The following LARS2 variants were observed in gnomAD, a reference collection of about 807,000 sequenced individuals.
LARS2 encodes leucine--tRNA ligase, mitochondrial.
In LARS2, 81 loss-of-function variants were observed where a neutral mutation model predicts 116.6. The observed-to-expected ratio is 0.69, with a 90% CI of 0.58 to 0.84. LARS2 has a LOEUF of 0.84. Ranked by LOEUF, LARS2 falls within the 40% of genes least tolerant of loss-of-function variation. LARS2 has a pLI of 0.00. For missense variants in LARS2, 968 were observed against 1,114.5 expected (o/e 0.87, Z 1.87); for synonymous variants, 396 against 407.2 (o/e 0.97, Z 0.33).
At chr3:45,521,044 C>T (rs1038616849) in intron 19 of LARS2, among the ~76,000 whole-genome samples, 2 of 152,046 alleles carry the variant, frequency 1.3e-5, no homozygotes, top group African/African-American at 4.8e-5. Flanking sequence ...GTGGCTCACA[C>T]CTGTAATCCC....
intron 4 of LARS2, among the ~76,000 whole-genome samples, chr3:45,401,781 A>G (rs1160733643): frequency 2.0e-5 from 3 of 151,880 alleles, no homozygotes; most frequent in Non-Finnish European, 4.4e-5. Flanking sequence ...CGCTCAGCTA[A>G]TTTTTTGTAA....
intron 6 of LARS2, among the ~76,000 whole-genome samples, chr3:45,433,886 G>A (rs1453741908): frequency 6.6e-6 from 1 of 152,110 alleles, no homozygotes; most frequent in Non-Finnish European, 1.5e-5. Flanking sequence ...TGGGTTAACA[G>A]TTCTTTTCTT....
At chr3:45,396,742 C>T (rs1005662141) in intron 3 of LARS2, among the ~76,000 whole-genome samples, 1 of 152,164 alleles carries the variant, frequency 6.6e-6, no homozygotes, top group African/African-American at 2.4e-5. Context: ...GTATTATTAT[C>T]CTCATTTTTG....
intron 12 of LARS2, among the ~76,000 whole-genome samples, chr3:45,489,948 C>A (rs1699886059): frequency 6.6e-6 from 1 of 152,252 alleles, no homozygotes; most frequent in East Asian, 1.9e-4. Context: ...GCTTACAGGT[C>A]CCATCTTGGC....
At position 45,488,687 on chromosome 3, in the gene LARS2, C is replaced by A. The variant is rs755818238; in HGVS notation, c.1124-10C>A. ...GAAGGAAATGTTTTCTTTTCTTCTC[C>A]TCTGAATAGGAATTCCCAGTACTAG... On this transcript the variant is annotated splice_polypyrimidine_tract_variant and intron_variant, in intron 11 of 21. Coordinates refer to ENST00000645846, the MANE Select transcript of LARS2 (RefSeq NM_015340.4). 2 of 1,545,238 alleles carry A rather than the reference C, an allele frequency of 1.3e-6. No homozygotes were observed. The highest frequency in any genetic ancestry group is 2.2e-5 in the South Asian group (2 of 89,710).
At chr3:45,489,723 A>G (rs1436498237) in intron 12 of LARS2, among the ~76,000 whole-genome samples, 2 of 152,190 alleles carry the variant, frequency 1.3e-5, no homozygotes, top group Non-Finnish European at 2.9e-5. Context: ...TTAACTGCAC[A>G]TTGGAAACAC....
intron 20 of LARS2, among the ~76,000 whole-genome samples, chr3:45,540,573 A>G (rs1700776344): frequency 6.6e-6 from 1 of 152,206 alleles, no homozygotes; most frequent in Admixed American, 6.5e-5. Flanking sequence ...TGGAAAAGCT[A>G]TTCCCAGGTG....
chr3:45,400,238 T>G lies in LARS2; in HGVS notation c.235-7T>G, dbSNP rs200577813. ...CTTAATAAATACTCATTGTCGTTCT[T>G]TCCTAGAAATCGAAGCCAAAATTTT... is the stretch of plus-strand genomic sequence containing the variant. On this transcript the variant is annotated splice_polypyrimidine_tract_variant and splice_region_variant and intron_variant, in intron 3 of 21. Coordinates refer to ENST00000645846, the MANE Select transcript of LARS2 (RefSeq NM_015340.4). 133 of 1,612,020 alleles carry G rather than the reference T, an allele frequency of 8.3e-5. No homozygotes were observed. The highest frequency in any genetic ancestry group is 4.4e-4 in the Admixed American group (26 of 59,594).
intron 20 of LARS2, among the ~76,000 whole-genome samples, 153 bp downstream of exon 20, chr3:45,524,261 G>A (rs956882808): frequency 2.0e-5 from 3 of 152,106 alleles, no homozygotes; most frequent in Non-Finnish European, 4.4e-5. Context: ...TACTCTGAAT[G>A]GTAGTACTTC....
chr3:45,401,911 T>C (rs144304117), intron 4 of LARS2, among the ~76,000 whole-genome samples: 2 of 152,316 alleles, frequency 1.3e-5, no homozygotes, highest in African/African-American at 4.8e-5. Context: ...CTACCGCACC[T>C]AGCCCAGAGC....
chr3:45,398,744 T>C (rs1698092567), intron 3 of LARS2, among the ~76,000 whole-genome samples: 1 of 152,186 alleles, frequency 6.6e-6, no homozygotes, highest in Non-Finnish European at 1.5e-5. Context: ...TATCAGGCTT[T>C]TGGAGCACAA....
At chr3:45,402,583 C>T (rs2125677070) in intron 4 of LARS2, among the ~76,000 whole-genome samples, 1 of 152,258 alleles carries the variant, frequency 6.6e-6, no homozygotes, top group South Asian at 2.1e-4. Flanking sequence ...ATTGTCATAA[C>T]TGGTTTGAAA....
chr3:45,547,261 A>G (rs2125774326), intron 21 of LARS2, 90 bp from the exon 22 acceptor site: 1 of 1,176,634 alleles, frequency 8.5e-7, no homozygotes, highest in Admixed American at 2.3e-5. Context: ...AAATGCAGCC[A>G]TGCCCTTTAC....
intron 9 of LARS2, 57 bp from the exon 10 acceptor site, chr3:45,476,410 GC>G (rs1290998053): frequency 6.4e-7 from 1 of 1,572,668 alleles, no homozygotes; most frequent in African/African-American, 1.3e-5. Flanking sequence ...CAGTTAGGGA[GC>G]AACACAGCCC....
intron 4 of LARS2, among the ~76,000 whole-genome samples, chr3:45,402,086 C>T (rs1373710854): frequency 2.0e-5 from 3 of 152,220 alleles, no homozygotes; most frequent in Admixed American, 1.3e-4. Context: ...GCTCTTAATA[C>T]TTACAAGCTG....
intron 12 of LARS2, among the ~76,000 whole-genome samples, chr3:45,489,733 C>A (rs1699880490): frequency 6.6e-6 from 1 of 152,160 alleles, no homozygotes. Flanking sequence ...ATTGGAAACA[C>A]CTGAGAGTTT....
chr3:45,453,380 T>A (rs1699166151), intron 7 of LARS2, among the ~76,000 whole-genome samples: 1 of 152,192 alleles, frequency 6.6e-6, no homozygotes, highest in Admixed American at 6.5e-5. Flanking sequence ...TTATTAATGG[T>A]TTATTATGCT....
chr3:45,408,977 T>G (rs3774696), intron 4 of LARS2, among the ~76,000 whole-genome samples: 28,152 of 152,210 alleles, frequency 0.18, 2,875 homozygotes, highest in Middle Eastern at 0.27. Context: ...TTATCATTAG[T>G]AGTCTTCTGC....
chr3:45,457,840 C>T (rs1305158652), intron 7 of LARS2, among the ~76,000 whole-genome samples: 1 of 152,144 alleles, frequency 6.6e-6, no homozygotes, highest in Non-Finnish European at 1.5e-5. Flanking sequence ...TGAAGATAGA[C>T]ACTAACTAGA....
Sources: gnomAD v4.1 joint callset for allele counts (sites outside exome capture counted in the v4.1 genomes callset) on GRCh38, gnomAD v4.1.1 for gene constraint, MANE v1.5 for transcripts, NCBI Gene and HGNC (gene_info 2026-07-23, HGNC 2026-07-21) for gene names.